The following AARS1 variants were observed in gnomAD, a reference collection of about 807,000 sequenced individuals.
AARS1 encodes alanine--tRNA ligase, cytoplasmic.
In AARS1, 72 loss-of-function variants were observed where a neutral mutation model predicts 108.9. The ratio of observed to expected loss-of-function variants is 0.66; its 90% CI spans 0.55 to 0.80. The LOEUF is 0.80. Among genes scored for constraint, AARS1 ranks in the 30% least tolerant of loss-of-function variants. AARS1 has a pLI of 0.00. For synonymous variants in AARS1, 489 were observed against 465.7 expected (o/e 1.05, Z -0.64); for missense variants, 1,193 against 1,233.2 (o/e 0.97, Z 0.49).
At chr16:70,268,152 A>C in intron 8 of AARS1, 119 bp downstream of exon 8, 1 of 945,838 alleles carries the variant, frequency 1.1e-6, no homozygotes, top group South Asian at 1.4e-5. Flanking sequence ...TGGGTGACAG[A>C]GTGAGACTCC....
In AARS1 at chr16:70,282,708, T is replaced by C. The variant is rs776616726; in HGVS notation, c.56A>G (p.Lys19Arg). The change falls in exon 2 of 21, where the codon AAG becomes AGG. Residue 19 changes from lysine to arginine, a missense_variant. Coordinates refer to ENST00000261772, the MANE Select transcript of AARS1 (RefSeq NM_001605.3). ...EIRQRFIDFF[K>R]RNEHTYVHSS... ...GTGAACATACGTATGCTCGTTCCTC[T>C]TGAAGAAATCTATAAATCGCTGCCG... 2.5e-6 allele frequency: 4 copies of C among 1,614,032 alleles called. No individual in the cohort carries two copies. The highest frequency in any genetic ancestry group is 3.4e-6 in the Non-Finnish European group (4 of 1,180,044).
rs773802322 is a variant in AARS1, at chr16:70,265,080, G to A, written c.1370C>T (p.Ala457Val). ...CAGCATAATGAGGTCTTCCCCACCA[G>A]CTCCCTTGCCCTGTGATTTCAGCTG... Reference protein sequence around the residue: ...LAQLKSQGKGAGGEDLIMLDI... With the variant: ...LAQLKSQGKGVGGEDLIMLDI... The change falls in exon 11 of 21, where the codon GCT becomes GTT. Residue 457 changes from alanine (A) to valine (V), a missense_variant. Coordinates refer to ENST00000261772, the MANE Select transcript of AARS1 (RefSeq NM_001605.3). 1.2e-6 allele frequency: 2 copies of A among 1,614,128 alleles called. No homozygotes were observed. Among genetic ancestry groups the A allele is most frequent in the Non-Finnish European group, 1.7e-6 (2 of 1,180,040 alleles).
At chr16:70,286,362 ATTT>A (rs1000406265) in intron 1 of AARS1, among the ~76,000 whole-genome samples, 7 of 117,086 alleles carry the variant, frequency 6.0e-5, no homozygotes, top group Non-Finnish European at 7.0e-5. Context: ...CTCCACAGGA[ATTT>A]TTTTTTTTTT....
chr16:70,268,366 G>A lies in AARS1; in HGVS notation c.976C>T (p.Arg326Trp), dbSNP rs777601008. ...DNTGRGYVLR[R>W]ILRRAVRYAH... ...TATCGGACAGCTCGGCGGAGAATCCGTCTCAACACATATCTGTAAGAGGCA... is the reference window on the plus strand; with the variant it reads ...TATCGGACAGCTCGGCGGAGAATCCATCTCAACACATATCTGTAAGAGGCA... Residue 326 changes from arginine (R) to tryptophan (W), a missense_variant, in exon 8 of 21, where the codon CGG (arginine) becomes TGG (tryptophan). By Grantham distance (101) the Arg-to-Trp change is moderately radical. Coordinates refer to ENST00000261772, the MANE Select transcript of AARS1 (RefSeq NM_001605.3). 1 of 1,613,968 alleles carries A rather than the reference G, an allele frequency of 6.2e-7. No homozygotes were observed. The highest frequency in any genetic ancestry group is 1.7e-5 in the Admixed American group (1 of 59,996).
chr16:70,267,322 C>A (rs1224691121), intron 9 of AARS1, among the ~76,000 whole-genome samples: 2 of 152,176 alleles, frequency 1.3e-5, no homozygotes, highest in Non-Finnish European at 2.9e-5. Flanking sequence ...AATACACACA[C>A]ACAAATATCT....
At position 70,263,557 on chromosome 16, in the gene AARS1, C is replaced by T. The variant is rs138836681; in HGVS notation, c.1493-1033G>A. 5.4e-5 allele frequency among the ~76,000 whole-genome samples: 8 copies of T among 148,280 alleles called. No homozygotes were observed. In the East Asian group the frequency reaches 1.6e-3, roughly 30 times the overall value. ...CTGCACTCCAGCCTGGGTGACAGAG[C>T]GAAACTCCATCTCAAAAAAAAAAAA... On this transcript the variant is annotated intron_variant, in intron 11 of 20. Coordinates refer to ENST00000261772, the MANE Select transcript of AARS1 (RefSeq NM_001605.3).
intron 18 of AARS1, 22 bp downstream of exon 18, chr16:70,253,897 C>T: frequency 6.2e-7 from 1 of 1,614,224 alleles, no homozygotes; most frequent in South Asian, 1.1e-5. Flanking sequence ...ACACTCTGGC[C>T]ACTGGTGCTG....
At position 70,265,586 on chromosome 16, in the gene AARS1, G is replaced by C; in HGVS notation, c.1299C>G (p.Gly433=). The part of the protein sequence containing the change: ...DLTGLIAEEK[G]LVVDMDGFEE... ...CAAAGCCATCCATGTCTACCACCAGGCCCTTCTCTTCAGCAATCAGTCCAG... is the reference window on the plus strand; with the variant it reads ...CAAAGCCATCCATGTCTACCACCAGCCCCTTCTCTTCAGCAATCAGTCCAG... Residue 433 remains glycine, a synonymous_variant, in exon 10 of 21, where the codon GGC becomes GGG. Coordinates refer to ENST00000261772, the MANE Select transcript of AARS1 (RefSeq NM_001605.3). 1 of 1,613,942 alleles carries C rather than the reference G, an allele frequency of 6.2e-7. No individual in the cohort carries two copies.
At chr16:70,254,592 G>C (rs1567601295) in intron 17 of AARS1, 29 bp downstream of exon 17, 1 of 1,479,396 alleles carries the variant, frequency 6.8e-7, no homozygotes, top group African/African-American at 1.4e-5. Context: ...ACCAGGCCCT[G>C]AGGACGGAGG....
intron 12 of AARS1, 23 bp from the exon 13 acceptor site, chr16:70,261,180 C>A (rs1448835290): frequency 5.2e-6 from 8 of 1,540,322 alleles, no homozygotes; most frequent in Non-Finnish European, 9.0e-7. Flanking sequence ...AAGGAAGAGA[C>A]CAATAAATAA....
At chr16:70,269,396 G>C (rs1960343793) in intron 7 of AARS1, among the ~76,000 whole-genome samples, 1 of 143,320 alleles carries the variant, frequency 7.0e-6, no homozygotes, top group East Asian at 2.1e-4. Context: ...AATTAGCCAG[G>C]CGTGGTGGTG....
chr16:70,286,105 A>G (rs1430000161), intron 1 of AARS1, among the ~76,000 whole-genome samples: 1 of 152,182 alleles, frequency 6.6e-6, no homozygotes, highest in South Asian at 2.1e-4. Context: ...CTATGAGTCT[A>G]TGAAGGCTGA....
intron 17 of AARS1, 193 bp downstream of exon 17, chr16:70,254,428 G>A: frequency 1.6e-6 from 1 of 628,374 alleles, no homozygotes; most frequent in Non-Finnish European, 2.9e-6. Context: ...AGCACTGGGA[G>A]CAGCAGGGAA....
At chr16:70,286,184 T>C (rs968937826) in intron 1 of AARS1, among the ~76,000 whole-genome samples, 1 of 152,148 alleles carries the variant, frequency 6.6e-6, no homozygotes, top group African/African-American at 2.4e-5. Flanking sequence ...TAAATTTATA[T>C]TTATTCGATA....
At position 70,253,326 on chromosome 16, in the gene AARS1, A is replaced by G. The variant is rs1351438279; in HGVS notation, c.2663T>C (p.Met888Thr). 6.2e-7 allele frequency: 1 copy of G among 1,614,208 alleles called. No individual in the cohort carries two copies. The highest frequency in any genetic ancestry group is 8.5e-7 in the Non-Finnish European group (1 of 1,180,018). Residue 888 changes from methionine to threonine, a missense_variant, in exon 20 of 21, where the codon ATG (methionine) becomes ACG (threonine). Physicochemically the swap from Met to Thr is moderately conservative, Grantham distance 81. Coordinates refer to ENST00000261772, the MANE Select transcript of AARS1 (RefSeq NM_001605.3). ...AGCCTCATTGTCCACCGTGAAGAGC[A>G]TGGCAGAAGTCTGAGGGGAGTGCAT... is the stretch of plus-strand genomic sequence containing the variant. The part of the protein sequence containing the change: ...FKMHSPQTSA[M>T]LFTVDNEAGK...
In AARS1 at chr16:70,267,721, C is replaced by G; in HGVS notation, c.1160G>C (p.Ser387Thr). 1 of 1,614,184 alleles carries G rather than the reference C, an allele frequency of 6.2e-7. No individual in the cohort carries two copies. Among genetic ancestry groups the G allele is most frequent in the Non-Finnish European group, 8.5e-7 (1 of 1,180,038 alleles). Residue 387 changes from serine (S) to threonine (T), a missense_variant, in exon 9 of 21, where the codon AGC becomes ACC. Coordinates refer to ENST00000261772, the MANE Select transcript of AARS1 (RefSeq NM_001605.3). ...EEEVQFLKTL[S>T]RGRRILDRKI... ...CCTGTCCAGGATGCGACGCCCTCTG[C>G]TGAGAGTCTTGAGAAACTGCACCTC... is the stretch of plus-strand genomic sequence containing the variant.
chr16:70,267,009 T>C (rs932074815), intron 9 of AARS1, among the ~76,000 whole-genome samples: 1 of 152,088 alleles, frequency 6.6e-6, no homozygotes, highest in African/African-American at 2.4e-5. Context: ...GCTAATTTTT[T>C]GTATTTTTAG....
intron 16 of AARS1, among the ~76,000 whole-genome samples, chr16:70,255,099 T>C (rs1432624535): frequency 6.6e-6 from 1 of 151,448 alleles, no homozygotes; most frequent in Non-Finnish European, 1.5e-5. Flanking sequence ...CCCCTAGGAG[T>C]ACATGGATCA....
At chr16:70,264,324 C>G (rs1490711565) in intron 11 of AARS1, among the ~76,000 whole-genome samples, 1 of 151,446 alleles carries the variant, frequency 6.6e-6, no homozygotes, top group African/African-American at 2.4e-5. Context: ...CATTCTTTTT[C>G]TTTTTCCCCG....
Sources: allele counts gnomAD v4.1 joint callset (sites outside exome capture counted in the v4.1 genomes callset), GRCh38; gene constraint gnomAD v4.1.1; transcripts MANE v1.5; gene names NCBI Gene and HGNC (gene_info 2026-07-23, HGNC 2026-07-21).